The following CENPC variants were observed in gnomAD, a reference collection of about 807,000 sequenced individuals.
CENPC encodes CENP-C 1.
Under a neutral mutation model 112.1 loss-of-function variants are expected in CENPC, and 63 were observed. That is an observed-to-expected ratio of 0.56 (90% CI 0.46 to 0.69). The LOEUF (loss-of-function observed/expected upper bound fraction) is 0.69, where lower values mean the gene tolerates loss of function less well. CENPC is among the 30% of genes least tolerant of loss of function. CENPC has a pLI of 0.00. For synonymous variants in CENPC, 333 were observed against 367.6 expected, an observed-to-expected ratio of 0.91 and a Z score of 1.08; for missense variants, 1,000 against 1,103.8, an observed-to-expected ratio of 0.91 and a Z score of 1.33.
chr4:67,489,869 T>C, intron 17 of CENPC, 98 bp downstream of exon 17: 1 of 1,073,596 alleles, frequency 9.3e-7, no homozygotes, highest in Non-Finnish European at 1.3e-6. Context: ...AGTAATCGAA[T>C]TTCATTTCTG....
At chr4:67,495,106 A>G in intron 13 of CENPC, 53 bp downstream of exon 13, 2 of 1,389,952 alleles carry the variant, frequency 1.4e-6, no homozygotes, top group Non-Finnish European at 1.9e-6. Context: ...TTAGAAACAG[A>G]AACTTAAGGT....
chr4:67,495,228 G>T lies in CENPC; in HGVS notation c.2132-16C>A, dbSNP rs763058905. 3.3e-6 allele frequency: 5 copies of T among 1,518,022 alleles called. 1 individual carries two copies. In the East Asian group the frequency reaches 7.6e-5, roughly 23 times the overall value. 94.0% of individuals were successfully genotyped at this position (1,518,022 alleles called of 1,614,324 possible). On this transcript the variant is annotated splice_polypyrimidine_tract_variant and intron_variant, in intron 12 of 18. Coordinates refer to ENST00000273853, the MANE Select transcript of CENPC (RefSeq NM_001812.4). ...TTTGAGTCATCTACAAAATGCAAAA[G>T]ATAATATCATAAGAAATGACTGCTA...
intron 10 of CENPC, among the ~76,000 whole-genome samples, chr4:67,507,442 A>G (rs1036928122): frequency 6.6e-6 from 1 of 152,180 alleles, no homozygotes; most frequent in African/African-American, 2.4e-5. Flanking sequence ...GGGTCCTACC[A>G]TTAAAGTCAA....
At chr4:67,530,063 C>A (rs769009590) in intron 5 of CENPC, among the ~76,000 whole-genome samples, 2 of 151,798 alleles carry the variant, frequency 1.3e-5, no homozygotes, top group Non-Finnish European at 2.9e-5. Flanking sequence ...ATGTTACATA[C>A]CGAAACACAT....
At position 67,539,908 on chromosome 4, in the gene CENPC, A is replaced by C. The variant is rs920114084; in HGVS notation, c.163T>G (p.Ser55Ala). ...GTTGAATTAGGCACTGATTTTGTAG[A>C]ATTTGTACTAAAATCATTGGCAAGA... ...KSLANDFSTN[S>A]TKSVPNSTRK... The change falls in exon 4 of 19, where the codon TCT (serine) becomes GCT (alanine). Residue 55 changes from serine (S) to alanine (A), a missense_variant. Ser to Ala is a moderately conservative substitution (Grantham distance 99). Coordinates refer to ENST00000273853, the MANE Select transcript of CENPC (RefSeq NM_001812.4). 1.3e-6 allele frequency: 2 copies of C among 1,526,908 alleles called. No individual in the cohort carries two copies. The highest frequency in any genetic ancestry group is 2.8e-5 in the African/African-American group (2 of 71,528). The allele number at this position is 1,526,908 out of a possible 1,614,324, so 94.6% of individuals were successfully genotyped here.
chr4:67,489,905 C>T, intron 17 of CENPC, 62 bp downstream of exon 17: 1 of 1,334,900 alleles, frequency 7.5e-7, no homozygotes, highest in Non-Finnish European at 1.0e-6. Flanking sequence ...AATGTCTCAT[C>T]AAATCCAATA....
intron 15 of CENPC, 117 bp from the exon 16 acceptor site, chr4:67,492,392 G>A (rs1460510277): frequency 3.6e-6 from 2 of 562,428 alleles, no homozygotes; most frequent in African/African-American, 3.8e-5. Context: ...ACGCAAAGAA[G>A]TCTCTTCCTA....
chr4:67,544,214 A>C lies in CENPC; in HGVS notation c.19-19T>G, dbSNP rs1356631072. On this transcript the variant is annotated intron_variant, in intron 1 of 18. Coordinates refer to ENST00000273853, the MANE Select transcript of CENPC (RefSeq NM_001812.4). ...GATGATCCTGAAAGAAAAGTAAATC[A>C]TCAATTTGGTTTCTTTAAGATAGAG... The C allele has an allele frequency of 6.1e-6, 9 of 1,483,258 alleles. No individual in the cohort carries two copies. The highest frequency in any genetic ancestry group is 6.6e-6 in the Non-Finnish European group (7 of 1,064,974). 91.9% of individuals were successfully genotyped at this position (1,483,258 alleles called of 1,614,324 possible). A position where few individuals can be genotyped will look rare whatever the true frequency, so the allele number is the denominator to read the frequency against.
At chr4:67,529,328 A>C (rs1325211236) in intron 5 of CENPC, among the ~76,000 whole-genome samples, 1 of 151,812 alleles carries the variant, frequency 6.6e-6, no homozygotes. Context: ...TTATTTATTT[A>C]TTTATTTATT....
chr4:67,506,152 A>G (rs926889441), intron 11 of CENPC, among the ~76,000 whole-genome samples: 6 of 152,166 alleles, frequency 3.9e-5, no homozygotes, highest in African/African-American at 1.4e-4. Context: ...TTAAAAGGTT[A>G]TATGACATCA....
chr4:67,501,594 A>G (rs1410993426), intron 12 of CENPC, among the ~76,000 whole-genome samples: 1 of 152,160 alleles, frequency 6.6e-6, no homozygotes, highest in Non-Finnish European at 1.5e-5. Flanking sequence ...GAGATCCAGG[A>G]CTGGATCCTG....
intron 6 of CENPC, 146 bp downstream of exon 6, chr4:67,519,071 A>G: frequency 1.7e-6 from 1 of 603,140 alleles, no homozygotes; most frequent in Non-Finnish European, 2.7e-6. Flanking sequence ...TACAAACTGA[A>G]TATATGCTAA....
At chr4:67,487,361 T>C (rs2109771246) in intron 17 of CENPC, among the ~76,000 whole-genome samples, 1 of 151,874 alleles carries the variant, frequency 6.6e-6, no homozygotes, top group South Asian at 2.1e-4. Flanking sequence ...GATTTAGATA[T>C]AATTGATACA....
At chr4:67,505,926 A>G (rs1484525003) in intron 11 of CENPC, among the ~76,000 whole-genome samples, 1 of 152,146 alleles carries the variant, frequency 6.6e-6, no homozygotes, top group Non-Finnish European at 1.5e-5. Flanking sequence ...AGAAATCATC[A>G]TATTTTAATT....
chr4:67,531,757 A>G (rs1431900508), intron 4 of CENPC, among the ~76,000 whole-genome samples: 1 of 152,230 alleles, frequency 6.6e-6, no homozygotes, highest in Non-Finnish European at 1.5e-5. Context: ...GGAAGCCTAT[A>G]TATGGATTCC....
At chr4:67,482,758 G>A (rs1304858076) in intron 17 of CENPC, among the ~76,000 whole-genome samples, 1 of 152,192 alleles carries the variant, frequency 6.6e-6, no homozygotes, top group African/African-American at 2.4e-5. Context: ...AAGGGTGGGA[G>A]GAGGAGAGGT....
chr4:67,477,379 C>G (rs776369127), intron 17 of CENPC, among the ~76,000 whole-genome samples: 1 of 152,218 alleles, frequency 6.6e-6, no homozygotes, highest in Non-Finnish European at 1.5e-5. Context: ...TATCACAAGA[C>G]GCTTTGCAGG....
chr4:67,505,660 A>G (rs1725712913), intron 11 of CENPC, among the ~76,000 whole-genome samples: 1 of 152,158 alleles, frequency 6.6e-6, no homozygotes, highest in Non-Finnish European at 1.5e-5. Context: ...TTTAAATGTC[A>G]TATTGTTACT....
intron 12 of CENPC, among the ~76,000 whole-genome samples, chr4:67,498,337 T>A (rs1191586588): frequency 6.6e-6 from 1 of 152,230 alleles, no homozygotes; most frequent in Non-Finnish European, 1.5e-5. Context: ...TTATTGTTGA[T>A]GACTGCTGAC....
Sources: allele counts gnomAD v4.1 joint callset (sites outside exome capture counted in the v4.1 genomes callset), GRCh38; gene constraint gnomAD v4.1.1; transcripts MANE v1.5; gene names NCBI Gene and HGNC (gene_info 2026-07-23, HGNC 2026-07-21).